NEGR1: variants seen among roughly 807,000 people sequenced by gnomAD.
The protein encoded by NEGR1 is neuronal growth regulator 1, also known as IgLON family member 4.
Under a neutral mutation model 40.9 loss-of-function variants are expected in NEGR1, and 10 were observed. The ratio of observed to expected loss-of-function variants is 0.24; its 90% CI spans 0.15 to 0.42. NEGR1 has a LOEUF of 0.42. Ranked by LOEUF, NEGR1 falls within the 10% of genes least tolerant of loss-of-function variation. The pLI is 1.00. For synonymous variants in NEGR1, 185 were observed against 166.8 expected, an observed-to-expected ratio of 1.11 and a Z score of -0.84; for missense variants, 352 against 438.9, an observed-to-expected ratio of 0.80 and a Z score of 1.77.
intron 3 of NEGR1, among the ~76,000 whole-genome samples, chr1:71,723,718 T>C (rs1362157548): frequency 6.6e-6 from 1 of 152,104 alleles, no homozygotes; most frequent in Non-Finnish European, 1.5e-5. Context: ...TCTTGAGTTC[T>C]GTGAGCCTCT....
intron 1 of NEGR1, among the ~76,000 whole-genome samples, chr1:71,984,946 A>G (rs1190181183): frequency 6.6e-6 from 1 of 152,178 alleles, no homozygotes; most frequent in Non-Finnish European, 1.5e-5. Context: ...TTATAAATAA[A>G]TAAATTCTCC....
At chr1:71,756,756 A>C (rs530557519) in intron 3 of NEGR1, among the ~76,000 whole-genome samples, 1 of 152,010 alleles carries the variant, frequency 6.6e-6, no homozygotes, top group African/African-American at 2.4e-5. Flanking sequence ...ATGATGATGC[A>C]TGGGTGTAAT....
chr1:71,953,228 C>A (rs150240012), intron 1 of NEGR1, among the ~76,000 whole-genome samples: 1 of 152,046 alleles, frequency 6.6e-6, no homozygotes, highest in African/African-American at 2.4e-5. Context: ...TAAGTTAAAC[C>A]GCCTGGAAAG....
intron 4 of NEGR1, among the ~76,000 whole-genome samples, chr1:71,626,901 A>C (rs1175674657): frequency 6.6e-6 from 1 of 152,204 alleles, no homozygotes; most frequent in Non-Finnish European, 1.5e-5. Flanking sequence ...AAAAATGCTC[A>C]TCATCACTGG....
Position 71,597,466 on chromosome 1 carries a change from C to CTGTG in NEGR1, c.789-4499_789-4498insCACA, listed in dbSNP as rs1460180034. On this transcript the variant is annotated intron_variant, in intron 5 of 6. Coordinates refer to ENST00000357731, the MANE Select transcript of NEGR1 (RefSeq NM_173808.3). ...TCTCTCTCTCTCTCTCTCTCTCTCTCTCTCTCTGTGTGTGTGTGTGTGTGT... is the reference window on the plus strand; with the variant it reads ...TCTCTCTCTCTCTCTCTCTCTCTCTCTGTGTCTCTCTGTGTGTGTGTGTGTGTGT... Among the ~76,000 whole-genome samples, 19 of 17,970 alleles carry CTGTG rather than the reference C, an allele frequency of 1.1e-3. No individual in the cohort carries two copies. The South Asian group carries it at 0.014, about 13-fold the overall frequency. 11.8% of individuals were successfully genotyped at this position (17,970 alleles called of 152,430 possible).
chr1:72,167,498 G>T (rs1056549091), intron 1 of NEGR1, among the ~76,000 whole-genome samples: 8 of 151,842 alleles, frequency 5.3e-5, no homozygotes, highest in Non-Finnish European at 8.8e-5. Flanking sequence ...GTAAAACAAA[G>T]AAATCATATA....
intron 6 of NEGR1, among the ~76,000 whole-genome samples, chr1:71,481,623 T>C (rs1054104785): frequency 4.6e-5 from 7 of 151,942 alleles, no homozygotes; most frequent in African/African-American, 1.7e-4. Context: ...AATTAAGATT[T>C]TAGTAAGTAT....
intron 1 of NEGR1, among the ~76,000 whole-genome samples, chr1:72,172,874 T>A (rs1414053884): frequency 6.6e-6 from 1 of 152,166 alleles, no homozygotes; most frequent in African/African-American, 2.4e-5. Flanking sequence ...TCTTTCCATA[T>A]TGCCATCTCT....
intron 6 of NEGR1, among the ~76,000 whole-genome samples, chr1:71,417,166 C>T (rs1193776792): frequency 6.6e-6 from 1 of 152,152 alleles, no homozygotes; most frequent in Non-Finnish European, 1.5e-5. Flanking sequence ...CTATATTTTA[C>T]CTATACTTTA....
chr1:71,631,456 A>G (rs1650965447), intron 4 of NEGR1, among the ~76,000 whole-genome samples: 1 of 151,834 alleles, frequency 6.6e-6, no homozygotes, highest in Non-Finnish European at 1.5e-5. Context: ...GTTGTCATCT[A>G]TCAACAAGAA....
At chr1:71,884,025 T>C (rs1660656141) in intron 2 of NEGR1, among the ~76,000 whole-genome samples, 1 of 152,090 alleles carries the variant, frequency 6.6e-6, no homozygotes, top group Non-Finnish European at 1.5e-5. Context: ...ATGACTCTTT[T>C]GTATCCTTAA....
chr1:71,528,329 A>G (rs1647252737), intron 6 of NEGR1, among the ~76,000 whole-genome samples: 2 of 151,486 alleles, frequency 1.3e-5, no homozygotes, highest in South Asian at 4.1e-4. Context: ...TATAGAATAT[A>G]TCATATTAAG....
At chr1:72,218,234 T>G (rs1653889988) in intron 1 of NEGR1, among the ~76,000 whole-genome samples, 1 of 151,968 alleles carries the variant, frequency 6.6e-6, no homozygotes, top group Non-Finnish European at 1.5e-5. Flanking sequence ...TTGTTCTTAT[T>G]TGGAAGACAT....
intron 3 of NEGR1, among the ~76,000 whole-genome samples, chr1:71,715,496 T>C (rs1461830964): frequency 6.6e-6 from 1 of 152,216 alleles, no homozygotes; most frequent in Non-Finnish European, 1.5e-5. Flanking sequence ...GCTTCCCTTT[T>C]AAACATAAGT....
chr1:71,818,225 G>A (rs1050569921), intron 2 of NEGR1, among the ~76,000 whole-genome samples: 3 of 151,798 alleles, frequency 2.0e-5, no homozygotes, highest in African/African-American at 4.8e-5. Context: ...CCATAAAGAC[G>A]TATACATGAG....
chr1:71,427,431 G>T (rs1004782068), intron 6 of NEGR1, among the ~76,000 whole-genome samples: 2 of 152,116 alleles, frequency 1.3e-5, no homozygotes, highest in African/African-American at 2.4e-5. Context: ...AATCTATTTG[G>T]AAATATACAT....
At chr1:71,432,294 C>G (rs1320150940) in intron 6 of NEGR1, among the ~76,000 whole-genome samples, 1 of 152,002 alleles carries the variant, frequency 6.6e-6, no homozygotes, top group Non-Finnish European at 1.5e-5. Flanking sequence ...AGCAATTGCT[C>G]TTTTTTAAAG....
chr1:71,405,213 C>T lies in NEGR1; in HGVS notation c.*2233G>A, dbSNP rs1646271014. On this transcript the variant is annotated 3_prime_UTR_variant, in exon 7 of 7. Coordinates refer to ENST00000357731, the MANE Select transcript of NEGR1 (RefSeq NM_173808.3). ...CTTTGAACTAATTATTTGGTTCATC[C>T]ATAGTTTATACCTCAATTTACCTAC... is the stretch of plus-strand genomic sequence containing the variant. 6.6e-6 allele frequency: 1 copy of T among 152,210 alleles called. No individual in the cohort carries two copies. Among genetic ancestry groups the T allele is most frequent in the South Asian group, 2.1e-4 (1 of 4,830 alleles). The allele number at this position is 152,210 out of a possible 1,614,324, so 9.4% of individuals were successfully genotyped here. A position where few individuals can be genotyped will look rare whatever the true frequency, so the allele number is the denominator to read the frequency against.
chr1:71,981,072 T>C (rs987451750), intron 1 of NEGR1, among the ~76,000 whole-genome samples: 1 of 152,156 alleles, frequency 6.6e-6, no homozygotes. Flanking sequence ...CTGTAAGACA[T>C]TGTAAAATTC....
Sources: allele counts gnomAD v4.1 joint callset (sites outside exome capture counted in the v4.1 genomes callset), GRCh38; gene constraint gnomAD v4.1.1; transcripts MANE v1.5; gene names NCBI Gene and HGNC (gene_info 2026-07-23, HGNC 2026-07-21).